The following NEK11 variants were observed in gnomAD, a reference collection of about 807,000 sequenced individuals.
NEK11 encodes the protein serine/threonine-protein kinase Nek11.
A neutral mutation model predicts 80.7 loss-of-function variants in NEK11; 72 were observed. The ratio of observed to expected loss-of-function variants is 0.89; its 90% CI spans 0.74 to 1.08. The LOEUF is 1.08. NEK11 is among the 50% of genes least tolerant of loss of function. NEK11 has a pLI of 0.00. For synonymous variants in NEK11, 251 were observed against 260.7 expected, an observed-to-expected ratio of 0.96 and a Z score of 0.36; for missense variants, 764 against 763.6, an observed-to-expected ratio of 1.00 and a Z score of -0.01.
chr3:131,033,125 T>G (rs959625236), intron 3 of NEK11, among the ~76,000 whole-genome samples: 4 of 152,194 alleles, frequency 2.6e-5, no homozygotes, highest in African/African-American at 9.7e-5. Context: ...ACCTTTTAGC[T>G]AAGATATCAA....
chr3:131,087,475 C>T (rs543007622), intron 4 of NEK11, among the ~76,000 whole-genome samples: 1 of 152,178 alleles, frequency 6.6e-6, no homozygotes, highest in East Asian at 1.9e-4. Context: ...ATCTCCTGAC[C>T]TTGTGATCCG....
chr3:131,210,834 TCCTC>T (rs2094588024), intron 14 of NEK11, among the ~76,000 whole-genome samples: 1 of 152,220 alleles, frequency 6.6e-6, no homozygotes, highest in African/African-American at 2.4e-5. Context: ...TAGTAGATCT[TCCTC>T]CATCCCTTTA....
At chr3:131,342,987 T>C (rs934512156) in intron 17 of NEK11, among the ~76,000 whole-genome samples, 1 of 151,986 alleles carries the variant, frequency 6.6e-6, no homozygotes, top group South Asian at 2.1e-4. Flanking sequence ...ATTGATACCA[T>C]AGTGAGAGTA....
chr3:131,239,405 G>T (rs2095487322), intron 15 of NEK11, among the ~76,000 whole-genome samples: 1 of 152,154 alleles, frequency 6.6e-6, no homozygotes, highest in African/African-American at 2.4e-5. Context: ...GTCTATGCCT[G>T]CTCAGGATTG....
At chr3:131,239,343 T>G (rs1200859544) in intron 15 of NEK11, among the ~76,000 whole-genome samples, 2 of 152,132 alleles carry the variant, frequency 1.3e-5, no homozygotes, top group Non-Finnish European at 2.9e-5. Flanking sequence ...TTCTCCTAGC[T>G]GGGGCTGTGA....
chr3:131,146,943 A>G (rs1000437090), intron 7 of NEK11, among the ~76,000 whole-genome samples: 13 of 152,064 alleles, frequency 8.5e-5, no homozygotes, highest in African/African-American at 2.7e-4. Flanking sequence ...TGGTAGTCTG[A>G]TGAATATTTG....
At chr3:131,131,669 T>G (rs1254510013) in intron 5 of NEK11, among the ~76,000 whole-genome samples, 4 of 152,118 alleles carry the variant, frequency 2.6e-5, no homozygotes, top group Admixed American at 6.5e-5. Context: ...AAGAACCAGT[T>G]TTATTTTTGT....
chr3:131,125,615 A>G (rs2083189720), intron 5 of NEK11, among the ~76,000 whole-genome samples: 1 of 152,156 alleles, frequency 6.6e-6, no homozygotes, highest in Non-Finnish European at 1.5e-5. Context: ...CCTGAGTGTA[A>G]GCATTATGAG....
intron 3 of NEK11, among the ~76,000 whole-genome samples, chr3:131,078,834 A>G (rs192055215): frequency 6.6e-6 from 1 of 151,508 alleles, no homozygotes; most frequent in East Asian, 1.9e-4. Flanking sequence ...TTGGCTGTAT[A>G]GCCAGCATCC....
intron 14 of NEK11, among the ~76,000 whole-genome samples, chr3:131,207,667 G>A (rs1344042765): frequency 6.6e-6 from 1 of 152,148 alleles, no homozygotes; most frequent in Non-Finnish European, 1.5e-5. Flanking sequence ...TCTAACTGGT[G>A]TGAGATGGTA....
chr3:131,049,507 A>G (rs545111704), intron 3 of NEK11, among the ~76,000 whole-genome samples: 1 of 152,300 alleles, frequency 6.6e-6, no homozygotes, highest in African/African-American at 2.4e-5. Context: ...ACAATTTACA[A>G]AATTATTTGT....
At chr3:131,120,827 A>G (rs2082242721) in intron 5 of NEK11, among the ~76,000 whole-genome samples, 1 of 152,156 alleles carries the variant, frequency 6.6e-6, no homozygotes, top group Non-Finnish European at 1.5e-5. Flanking sequence ...TTTCAGTTCC[A>G]TCAGGTCATT....
chr3:131,246,918 G>A (rs906950066), intron 16 of NEK11, among the ~76,000 whole-genome samples: 1 of 151,884 alleles, frequency 6.6e-6, no homozygotes, highest in Non-Finnish European at 1.5e-5. Flanking sequence ...ATCTTCTTTT[G>A]AGAATTGTCT....
intron 14 of NEK11, among the ~76,000 whole-genome samples, chr3:131,171,543 A>T (rs1471641744): frequency 6.6e-6 from 1 of 152,208 alleles, no homozygotes; most frequent in East Asian, 1.9e-4. Flanking sequence ...GTTTTGGAGT[A>T]AAAAAGTTGG....
chr3:131,303,984 G>T (rs568252141), intron 17 of NEK11, among the ~76,000 whole-genome samples: 1 of 152,156 alleles, frequency 6.6e-6, no homozygotes, highest in Non-Finnish European at 1.5e-5. Context: ...TTTAAGAGAT[G>T]CCAGTGAGTC....
intron 7 of NEK11, among the ~76,000 whole-genome samples, chr3:131,137,396 C>T (rs2085818123): frequency 1.3e-5 from 2 of 152,058 alleles, no homozygotes. Flanking sequence ...GCCAGCATTT[C>T]CTGTAACTAA....
chr3:131,324,773 G>A (rs967340033), intron 17 of NEK11, among the ~76,000 whole-genome samples: 6 of 152,124 alleles, frequency 3.9e-5, no homozygotes, highest in African/African-American at 9.7e-5. Context: ...TGCTTCCCCC[G>A]ATAGCCCAGT....
intron 15 of NEK11, among the ~76,000 whole-genome samples, chr3:131,240,299 G>C (rs1427635399): frequency 6.6e-6 from 1 of 152,110 alleles, no homozygotes; most frequent in Non-Finnish European, 1.5e-5. Context: ...TTATTGGTTT[G>C]TTTCCTAATA....
At chr3:131,320,917 A>G (rs2096891026) in intron 17 of NEK11, among the ~76,000 whole-genome samples, 1 of 152,332 alleles carries the variant, frequency 6.6e-6, no homozygotes, top group South Asian at 2.1e-4. Context: ...TAAAATGGCA[A>G]TACTACCCAA....
Sources: allele counts gnomAD v4.1 joint callset (sites outside exome capture counted in the v4.1 genomes callset), GRCh38; gene constraint gnomAD v4.1.1; transcripts MANE v1.5; gene names NCBI Gene and HGNC (gene_info 2026-07-23, HGNC 2026-07-21).